FSCN2: variants seen among roughly 807,000 people sequenced by gnomAD.
FSCN2 encodes fascin actin-bundling protein 2, retinal.
Under a neutral mutation model 37.8 loss-of-function variants are expected in FSCN2, and 46 were observed. The ratio of observed to expected loss-of-function variants is 1.22; its 90% CI spans 0.96 to 1.56. FSCN2 has a LOEUF of 1.56. FSCN2 is among the 40% of genes most tolerant of loss of function. FSCN2 has a pLI of 0.00. For synonymous variants in FSCN2, 351 were observed against 309.4 expected, an observed-to-expected ratio of 1.13 and a Z score of -1.41; for missense variants, 844 against 730.4, an observed-to-expected ratio of 1.16 and a Z score of -1.79.
rs782744299 is a variant in FSCN2, at chr17:81,529,239, C to T, written c.708C>T (p.Gly236=). 6.8e-5 allele frequency: 109 copies of T among 1,599,896 alleles called. No individual in the cohort carries two copies. The highest frequency in any genetic ancestry group is 9.2e-5 in the Non-Finnish European group (108 of 1,172,550). Reference sequence around the variant, plus strand: ...ACCTGGCACCCGTGGGGCCCGCAGGCACCCTCAAGGCCGGCCGAAACACGC... The same window carrying T: ...ACCTGGCACCCGTGGGGCCCGCAGGTACCCTCAAGGCCGGCCGAAACACGC... ...GHYLAPVGPA[G]TLKAGRNTRP... The change falls in exon 1 of 5, where the codon GGC becomes GGT. Residue 236 remains glycine (G), a synonymous_variant. Transcript: ENST00000417245.
At chr17:81,524,918 C>CACACACACA (rs2032304095), upstream of FSCN2, among the ~76,000 whole-genome samples, 1 of 150,026 alleles carries the variant, frequency 6.7e-6, no homozygotes, top group Non-Finnish European at 1.5e-5. Context: ...CACACACACA[C>CACACACACA]ACCACACTCA....
chr17:81,530,788 G>C (rs569065440), intron 1 of FSCN2: 2 of 319,540 alleles, frequency 6.3e-6, no homozygotes, highest in Non-Finnish European at 1.2e-5. Context: ...TGGCATCCTC[G>C]GGCCTGTCCC....
intron 1 of FSCN2, among the ~76,000 whole-genome samples, chr17:81,531,762 A>AGTGG: frequency 8.4e-6 from 1 of 118,478 alleles, no homozygotes; most frequent in Non-Finnish European, 1.7e-5. Context: ...GATGGCGATG[A>AGTGG]TGGTGATGAT....
chr17:81,522,703 G>A, the FSCN2 span, among the ~76,000 whole-genome samples: 291 of 152,296 alleles, frequency 1.9e-3, 1 homozygote, highest in Admixed American at 6.0e-3. Context: ...GGCAGAGGCC[G>A]CCACCTGCAG....
upstream of FSCN2, among the ~76,000 whole-genome samples, chr17:81,524,354 G>T (rs2032286220): frequency 6.6e-6 from 1 of 152,196 alleles, no homozygotes; most frequent in Non-Finnish European, 1.5e-5. Flanking sequence ...TGGGGGTACT[G>T]CTACCCCAAA....
At chr17:81,522,039 C>G in the FSCN2 span, among the ~76,000 whole-genome samples, 1 of 152,110 alleles carries the variant, frequency 6.6e-6, no homozygotes, top group African/African-American at 2.4e-5. Flanking sequence ...TCACTCTGCA[C>G]TCTGTTGCCC....
At chr17:81,531,323 G>GGTA in intron 1 of FSCN2, among the ~76,000 whole-genome samples, 1 of 47,908 alleles carries the variant, frequency 2.1e-5, no homozygotes, top group Non-Finnish European at 4.9e-5. Flanking sequence ...TGGTGATGAT[G>GGTA]GTGGTGGTGG....
In FSCN2 at chr17:81,528,417, TG is replaced by T; in HGVS notation, c.-112del. 1.3e-6 allele frequency: 1 copy of T among 747,128 alleles called. No individual in the cohort carries two copies. Among genetic ancestry groups the T allele is most frequent in the Non-Finnish European group, 2.2e-6 (1 of 460,418 alleles). 46.3% of individuals were successfully genotyped at this position (747,128 alleles called of 1,614,324 possible). On this transcript the variant is annotated 5_prime_UTR_variant, in exon 1 of 5. Coordinates refer to ENST00000417245, the MANE Select transcript of FSCN2 (RefSeq NM_012418.4). ...CAGGCAGGGGGTTCGTGACGCCGGCTGGGTCTGGGGGCTGTGGGCCAGCCGA... is the reference window on the plus strand; with the variant it reads ...CAGGCAGGGGGTTCGTGACGCCGGCTGGTCTGGGGGCTGTGGGCCAGCCGA...
At chr17:81,519,587 A>G in the FSCN2 span, among the ~76,000 whole-genome samples, 2 of 152,108 alleles carry the variant, frequency 1.3e-5, no homozygotes, top group South Asian at 2.1e-4. Context: ...CCTGCCCAGG[A>G]GCGCCAGGAG....
chr17:81,515,663 T>C, the FSCN2 span, among the ~76,000 whole-genome samples: 1 of 152,224 alleles, frequency 6.6e-6, no homozygotes, highest in East Asian at 1.9e-4. Context: ...TTCCTCCCTC[T>C]GCACCGGATC....
chr17:81,532,761 ATGG>A (rs1262645719), intron 1 of FSCN2, among the ~76,000 whole-genome samples: 3 of 127,380 alleles, frequency 2.4e-5, no homozygotes, highest in Non-Finnish European at 4.9e-5. Flanking sequence ...GATGATGGTG[ATGG>A]TGGTGATGGA....
intron 2 of FSCN2, among the ~76,000 whole-genome samples, 177 bp from the exon 3 acceptor site, chr17:81,535,969 T>TA (rs879332281): frequency 4.6e-5 from 7 of 151,472 alleles, no homozygotes; most frequent in Non-Finnish European, 8.8e-5. Flanking sequence ...AGGATTGCCG[T>TA]AGCAGCTCAG....
the FSCN2 span, among the ~76,000 whole-genome samples, chr17:81,520,476 C>T: frequency 9.2e-5 from 14 of 152,260 alleles, no homozygotes; most frequent in African/African-American, 2.9e-4. Flanking sequence ...AGCCCCATTT[C>T]CTCCAGTCCT....
intron 3 of FSCN2, 134 bp downstream of exon 3, chr17:81,536,401 C>T: frequency 2.1e-6 from 3 of 1,431,624 alleles, no homozygotes; most frequent in African/African-American, 1.4e-5. Context: ...TGGAGTCATA[C>T]TTGCTAGTCA....
At position 81,529,292 on chromosome 17, in the gene FSCN2, T is replaced by C; in HGVS notation, c.761T>C (p.Leu254Pro). 6.3e-7 allele frequency: 1 copy of C among 1,577,382 alleles called. No individual in the cohort carries two copies. The highest frequency in any genetic ancestry group is 8.6e-7 in the Non-Finnish European group (1 of 1,159,788). Residue 254 changes from leucine to proline, a missense_variant, in exon 1 of 5, where the codon CTG becomes CCG. Physicochemically the swap from Leu to Pro is moderately conservative, Grantham distance 98. Coordinates refer to ENST00000417245, the MANE Select transcript of FSCN2 (RefSeq NM_012418.4). ...TRPGKDELFD[L>P]EESHPQVVLV... ...CCTGGCAAGGATGAGCTCTTTGATC[T>C]GGAGGAGAGTCACCCACAGGTGGTG...
At chr17:81,532,407 A>ATGGTGATGATGGTGG (rs2032709233) in intron 1 of FSCN2, among the ~76,000 whole-genome samples, 1 of 131,166 alleles carries the variant, frequency 7.6e-6, no homozygotes, top group African/African-American at 3.1e-5. Context: ...GATGATAGTG[A>ATGGTGATGATGGTGG]TGGTGATGAT....
At chr17:81,519,306 C>T in the FSCN2 span, among the ~76,000 whole-genome samples, 5 of 152,154 alleles carry the variant, frequency 3.3e-5, no homozygotes, top group East Asian at 9.6e-4. Context: ...TGGGCCTCAG[C>T]TCCGCGCACT....
At chr17:81,536,595 C>G (rs762168526) in intron 3 of FSCN2, 27 bp from the exon 4 acceptor site, 2 of 1,605,148 alleles carry the variant, frequency 1.2e-6, no homozygotes, top group Admixed American at 3.3e-5. Flanking sequence ...GCGGGAGGGG[C>G]AGCGCAGCAG....
At chr17:81,536,012 G>A (rs1333823265) in intron 2 of FSCN2, 134 bp from the exon 3 acceptor site, 14 of 1,097,866 alleles carry the variant, frequency 1.3e-5, no homozygotes, top group East Asian at 1.0e-4. Flanking sequence ...GCAGGGTAGC[G>A]CCTGATGGTG....
Sources: allele counts gnomAD v4.1 joint callset (sites outside exome capture counted in the v4.1 genomes callset), GRCh38; gene constraint gnomAD v4.1.1; transcripts MANE v1.5; gene names NCBI Gene and HGNC (gene_info 2026-07-23, HGNC 2026-07-21).